The following SGK1 variants were observed in gnomAD, a reference collection of about 807,000 sequenced individuals.
The protein encoded by SGK1 is serine/threonine-protein kinase Sgk1.
A neutral mutation model predicts 64.2 loss-of-function variants in SGK1; 26 were observed. The observed-to-expected ratio is 0.40, with a 90% CI of 0.30 to 0.56. The LOEUF (loss-of-function observed/expected upper bound fraction) is 0.56, where lower values mean the gene tolerates loss of function less well. Ranked by LOEUF, SGK1 falls within the 20% of genes least tolerant of loss-of-function variation. The probability of loss-of-function intolerance (pLI) is 0.38; values close to 1 mark genes in which losing one functional copy is unlikely to be tolerated. For synonymous variants in SGK1, 265 were observed against 239.7 expected (o/e 1.11, Z -0.98); for missense variants, 519 against 645.6 (o/e 0.80, Z 2.12).
chr6:134,212,038 TTTTTTTG>T (rs528924345), intron 2 of SGK1, among the ~76,000 whole-genome samples: 5,279 of 142,058 alleles, frequency 0.037, 317 homozygotes, highest in African/African-American at 0.12. Context: ...TTGGTTCCTG[TTTTTTTG>T]TTTTTTGTTT....
intron 1 of SGK1, among the ~76,000 whole-genome samples, chr6:134,272,835 G>T (rs1384953717): frequency 1.3e-5 from 2 of 148,250 alleles, no homozygotes; most frequent in Non-Finnish European, 3.0e-5. Flanking sequence ...GCACAAAGAT[G>T]CCAATAAACC....
chr6:134,181,238 T>A (rs1460457122), intron 3 of SGK1, among the ~76,000 whole-genome samples: 1 of 152,152 alleles, frequency 6.6e-6, no homozygotes, highest in Non-Finnish European at 1.5e-5. Flanking sequence ...AAATAAGGAG[T>A]CTGGATTTCT....
At chr6:134,229,716 T>C (rs926833000) in intron 2 of SGK1, among the ~76,000 whole-genome samples, 1 of 152,162 alleles carries the variant, frequency 6.6e-6, no homozygotes, top group African/African-American at 2.4e-5. Flanking sequence ...TGCATATACA[T>C]GAATATATCT....
At chr6:134,249,055 T>C (rs928259020) in intron 2 of SGK1, among the ~76,000 whole-genome samples, 2 of 152,218 alleles carry the variant, frequency 1.3e-5, no homozygotes, top group African/African-American at 4.8e-5. Context: ...AATATTATGC[T>C]TTCCCAAACC....
intron 1 of SGK1, among the ~76,000 whole-genome samples, chr6:134,269,742 C>T (rs969977095): frequency 4.1e-5 from 6 of 147,824 alleles, no homozygotes; most frequent in Middle Eastern, 3.5e-3. Context: ...AGGTTAGTTA[C>T]GGCATGAGTG....
chr6:134,291,301 C>T (rs1302635999), intron 1 of SGK1, among the ~76,000 whole-genome samples: 2 of 152,136 alleles, frequency 1.3e-5, no homozygotes, highest in East Asian at 3.8e-4. Context: ...TTACAGGAGG[C>T]TGTTGAACTA....
intron 1 of SGK1, among the ~76,000 whole-genome samples, chr6:134,313,526 G>C (rs576673527): frequency 2.0e-5 from 3 of 151,802 alleles, no homozygotes; most frequent in East Asian, 1.9e-4. Flanking sequence ...GACTTGACTA[G>C]TTTGATGTTG....
chr6:134,289,189 ACT>A (rs1016641533), intron 1 of SGK1, among the ~76,000 whole-genome samples: 7 of 151,384 alleles, frequency 4.6e-5, no homozygotes, highest in Admixed American at 6.6e-5. Flanking sequence ...GCTGGAAAAA[ACT>A]CTGTCTCCCT....
At chr6:134,265,494 ATATATATACACATATATATTT>A (rs1281267347) in intron 1 of SGK1, among the ~76,000 whole-genome samples, 1 of 147,998 alleles carries the variant, frequency 6.8e-6, no homozygotes, top group African/African-American at 2.5e-5. Flanking sequence ...CAAAAAAAAT[ATATATATACACATATATATTT>A]TATATATACA....
chr6:134,186,163 A>T (rs1775420570), intron 3 of SGK1, among the ~76,000 whole-genome samples: 1 of 152,216 alleles, frequency 6.6e-6, no homozygotes, highest in African/African-American at 2.4e-5. Flanking sequence ...CAGCCATTAC[A>T]CATCTCTTTG....
intron 1 of SGK1, among the ~76,000 whole-genome samples, chr6:134,301,596 C>A (rs1463503248): frequency 6.8e-6 from 1 of 146,134 alleles, no homozygotes; most frequent in Non-Finnish European, 1.5e-5. Flanking sequence ...CCCTTCTCTT[C>A]TCTTTTCTTT....
At chr6:134,272,088 T>G (rs1776947196) in intron 1 of SGK1, among the ~76,000 whole-genome samples, 1 of 142,644 alleles carries the variant, frequency 7.0e-6, no homozygotes. Flanking sequence ...GCAATCTGCC[T>G]GCCTCGACCT....
chr6:134,223,852 A>G (rs12203449), intron 2 of SGK1, among the ~76,000 whole-genome samples: 10,588 of 152,284 alleles, frequency 0.07, 449 homozygotes, highest in Non-Finnish European at 0.097. Context: ...TTTCTCATGC[A>G]GTAGGCTAAC....
intron 1 of SGK1, among the ~76,000 whole-genome samples, chr6:134,276,738 G>C (rs942851967): frequency 5.9e-5 from 9 of 152,140 alleles, no homozygotes; most frequent in African/African-American, 1.9e-4. Context: ...CCAAACCCGG[G>C]TAACACAGGA....
chr6:134,311,215 G>C (rs1777603997), intron 1 of SGK1, among the ~76,000 whole-genome samples: 1 of 152,240 alleles, frequency 6.6e-6, no homozygotes, highest in South Asian at 2.1e-4. Flanking sequence ...GACGGAGGAG[G>C]AAGGAGAAGA....
At chr6:134,173,379 AT>A in intron 6 of SGK1, 22 bp from the exon 7 acceptor site, 1 of 1,603,792 alleles carries the variant, frequency 6.2e-7, no homozygotes, top group Non-Finnish European at 8.5e-7. Context: ...ATTTAAAAAA[AT>A]CATTTTTCTA....
Position 134,174,558 on chromosome 6 carries a change from C to G in SGK1, c.390G>C (p.Leu130=), listed in dbSNP as rs1775149515. 1.2e-6 allele frequency: 2 copies of G among 1,613,914 alleles called. No individual in the cohort carries two copies. The highest frequency in any genetic ancestry group is 1.3e-5 in the African/African-American group (1 of 74,934). Residue 130 remains leucine (L), a synonymous_variant, in exon 4 of 14, where the codon CTG becomes CTC. Coordinates refer to ENST00000367858, the MANE Select transcript of SGK1 (RefSeq NM_001143676.3). ...PAFMKQRRMG[L]NDFIQKIANN... is the part of the protein sequence containing the mutation. Reference sequence around the variant, plus strand: ...TGGCAATCTTCTGAATAAAGTCGTTCAGACCCATCCTCCTCTGCTTCATGA... The same window carrying G: ...TGGCAATCTTCTGAATAAAGTCGTTGAGACCCATCCTCCTCTGCTTCATGA...
At chr6:134,172,437 AG>A in intron 9 of SGK1, 121 bp from the exon 10 acceptor site, 1 of 1,008,666 alleles carries the variant, frequency 9.9e-7, no homozygotes, top group African/African-American at 1.6e-5. Context: ...TGTGTAGTGA[AG>A]AAAAAAGGGA....
At chr6:134,288,218 A>G (rs1361521152) in intron 1 of SGK1, among the ~76,000 whole-genome samples, 1 of 152,218 alleles carries the variant, frequency 6.6e-6, no homozygotes, top group Non-Finnish European at 1.5e-5. Context: ...GGGAAGGGCT[A>G]CTACAAGAAT....
Sources: gnomAD v4.1 joint callset for allele counts (sites outside exome capture counted in the v4.1 genomes callset) on GRCh38, gnomAD v4.1.1 for gene constraint, MANE v1.5 for transcripts, NCBI Gene and HGNC (gene_info 2026-07-23, HGNC 2026-07-21) for gene names.